Variants in TCF4 observed in about 807,000 individuals in gnomAD.
The protein encoded by TCF4 is SL3-3 enhancer factor 2.
A neutral mutation model predicts 82.1 loss-of-function variants in TCF4; 3 were observed. The observed-to-expected ratio is 0.04, with a 90% CI of 0.02 to 0.09. The LOEUF (loss-of-function observed/expected upper bound fraction) is 0.09, where lower values mean the gene tolerates loss of function less well. Among genes scored for constraint, TCF4 ranks in the 10% least tolerant of loss-of-function variants. TCF4 has a pLI of 1.00. For missense variants in TCF4, 518 were observed against 852.7 expected, an observed-to-expected ratio of 0.61 and a Z score of 4.89; for synonymous variants, 276 against 309.6, an observed-to-expected ratio of 0.89 and a Z score of 1.14.
At chr18:55,499,302 G>A (rs2096671538) in intron 3 of TCF4, among the ~76,000 whole-genome samples, 2 of 152,118 alleles carry the variant, frequency 1.3e-5, no homozygotes, top group Non-Finnish European at 2.9e-5. Context: ...TACTCAGGTA[G>A]GAAGAAACAG....
At chr18:55,459,974 T>C (rs1337573183) in intron 5 of TCF4, among the ~76,000 whole-genome samples, 1 of 152,162 alleles carries the variant, frequency 6.6e-6, no homozygotes. Flanking sequence ...CTGAAATCCA[T>C]TTAGATGGAT....
At chr18:55,589,043 A>G (rs1329787604), upstream of TCF4, among the ~76,000 whole-genome samples, 1 of 152,170 alleles carries the variant, frequency 6.6e-6, no homozygotes, top group Non-Finnish European at 1.5e-5. Flanking sequence ...TCGTTTCGTA[A>G]TAACAAGCGT....
intron 8 of TCF4, among the ~76,000 whole-genome samples, chr18:55,286,921 A>T (rs1460054219): frequency 1.3e-5 from 2 of 152,222 alleles, no homozygotes; most frequent in Admixed American, 1.3e-4. Context: ...ATAAGTGGAA[A>T]CATTTCACTG....
At chr18:55,503,251 A>G (rs1336597467) in intron 3 of TCF4, among the ~76,000 whole-genome samples, 4 of 152,252 alleles carry the variant, frequency 2.6e-5, no homozygotes, top group Non-Finnish European at 5.9e-5. Flanking sequence ...AAATAAAAAC[A>G]TTCTATCATC....
intron 3 of TCF4, among the ~76,000 whole-genome samples, chr18:55,492,613 C>T (rs1454102365): frequency 1.3e-5 from 2 of 152,160 alleles, no homozygotes; most frequent in Admixed American, 6.5e-5. Context: ...GTAAATTAGG[C>T]AAGCCTGCCA....
In TCF4 at chr18:55,480,304, G is replaced by C. The variant is rs1236331408; in HGVS notation, c.146-16167C>G. The stretch of plus-strand genomic sequence containing the variant: ...AAAAAAAAAAAAAAAAAAGCGGGGG[G>C]GCGGGGGGAGGATATTATGTGTATT... On this transcript the variant is annotated intron_variant, in intron 3 of 19. Coordinates refer to ENST00000354452, the MANE Select transcript of TCF4 (RefSeq NM_001083962.2). 3.1e-5 allele frequency among the ~76,000 whole-genome samples: 4 copies of C among 127,458 alleles called. 1 individual carries two copies. The highest frequency in any genetic ancestry group is 4.9e-5 in the Non-Finnish European group (3 of 61,498). 83.6% of individuals were successfully genotyped at this position (127,458 alleles called of 152,430 possible).
In TCF4 at chr18:55,287,493, C is replaced by A. The variant is rs1331000744; in HGVS notation, c.550-7837G>T. ...GTCACAAAACGGTAAGAATTTCAGT[C>A]CCCTTCCTTGTCTGTAACTGTCAAT... On this transcript the variant is annotated intron_variant, in intron 8 of 19. Coordinates refer to ENST00000354452, the MANE Select transcript of TCF4 (RefSeq NM_001083962.2). Among the ~76,000 whole-genome samples, 3 of 152,200 alleles carry A rather than the reference C, an allele frequency of 2.0e-5. No homozygotes were observed. The East Asian group carries it at 5.8e-4, about 29-fold the overall frequency.
chr18:55,439,781 G>A (rs572402552), intron 5 of TCF4, among the ~76,000 whole-genome samples: 3 of 152,206 alleles, frequency 2.0e-5, no homozygotes, highest in Admixed American at 1.3e-4. Context: ...AGAGTATAAC[G>A]GCATGATCTC....
intron 5 of TCF4, among the ~76,000 whole-genome samples, chr18:55,421,844 G>A (rs961370435): frequency 9.9e-5 from 15 of 152,256 alleles, no homozygotes; most frequent in African/African-American, 3.4e-4. Context: ...GGCATCAAGT[G>A]TACATTTGCC....
At chr18:55,571,826 A>G (rs2147563328) in intron 3 of TCF4, among the ~76,000 whole-genome samples, 1 of 148,508 alleles carries the variant, frequency 6.7e-6, no homozygotes, top group South Asian at 2.1e-4. Flanking sequence ...TCAGCCTCCA[A>G]CCCATCCCCA....
intron 5 of TCF4, among the ~76,000 whole-genome samples, chr18:55,457,374 G>C (rs1476630540): frequency 6.6e-6 from 1 of 152,212 alleles, no homozygotes; most frequent in Non-Finnish European, 1.5e-5. Context: ...GTGTGTGCAT[G>C]CATGTATAAC....
intron 3 of TCF4, among the ~76,000 whole-genome samples, chr18:55,475,406 G>A (rs2096270058): frequency 1.3e-5 from 2 of 152,174 alleles, no homozygotes; most frequent in Admixed American, 6.5e-5. Flanking sequence ...TTGATGGCAT[G>A]TTGGTCTGCC....
rs2045983102 is a variant in TCF4 at position 55,222,357 on chromosome 18, T to G, written c.*5678A>C. On this transcript the variant is annotated 3_prime_UTR_variant, in exon 20 of 20. Coordinates refer to ENST00000354452, the MANE Select transcript of TCF4 (RefSeq NM_001083962.2). ...AATGCTTGTGGCTCTTTTATATATA[T>G]TTAAAACACACAGTAAGAACATAAG... is the stretch of plus-strand genomic sequence containing the variant. The G allele has an allele frequency of 6.6e-6, 1 of 152,064 alleles. No homozygotes were observed. Among genetic ancestry groups the G allele is most frequent in the South Asian group, 2.1e-4 (1 of 4,820 alleles). The allele number at this position is 152,064 out of a possible 1,614,324, so 9.4% of individuals were successfully genotyped here. A position where few individuals can be genotyped will look rare whatever the true frequency, so the allele number is the denominator to read the frequency against.
intron 17 of TCF4, chr18:55,229,794 T>C (rs942529405): frequency 2.0e-5 from 3 of 152,366 alleles, no homozygotes; most frequent in African/African-American, 7.2e-5. Context: ...ATGTTTATGA[T>C]CCACAGAACA....
intron 8 of TCF4, among the ~76,000 whole-genome samples, chr18:55,282,118 G>T (rs564052262): frequency 9.3e-4 from 142 of 151,890 alleles, no homozygotes; most frequent in Middle Eastern, 3.4e-3. Flanking sequence ...CTTCCATTTA[G>T]ATACTTTATC....
Position 55,244,328 on chromosome 18 carries a change from A to G in TCF4, c.1351-9645T>C, listed in dbSNP as rs560531362. Reference sequence around the variant, plus strand: ...TCAGTTATGGTACTGCTTATTTGAAATAGTAGTTCTTTTACTGTTGGTGTG... The same window carrying G: ...TCAGTTATGGTACTGCTTATTTGAAGTAGTAGTTCTTTTACTGTTGGTGTG... On this transcript the variant is annotated intron_variant, in intron 15 of 19. Coordinates refer to ENST00000354452, the MANE Select transcript of TCF4 (RefSeq NM_001083962.2). Among the ~76,000 whole-genome samples, 19 of 152,272 alleles carry G rather than the reference A, an allele frequency of 1.2e-4. No homozygotes were observed. The South Asian group carries it at 3.7e-3, about 30-fold the overall frequency.
At chr18:55,493,984 A>G (rs2096603139) in intron 3 of TCF4, among the ~76,000 whole-genome samples, 2 of 152,192 alleles carry the variant, frequency 1.3e-5, no homozygotes, top group Non-Finnish European at 2.9e-5. Flanking sequence ...AGATTGAAAA[A>G]TATTGGACTT....
rs865908316 is a variant in TCF4 at position 55,237,524 on chromosome 18, C to T, written c.1351-2841G>A. Among the ~76,000 whole-genome samples, 9 of 140,554 alleles carry T rather than the reference C, an allele frequency of 6.4e-5. No homozygotes were observed. In the South Asian group the frequency reaches 9.0e-4, roughly 14 times the overall value. The allele number at this position is 140,554 out of a possible 152,430, so 92.2% of individuals were successfully genotyped here. ...TTGCTCTGTCACCCAGGCTGGAGTG[C>T]AGGGGTGCAATCTCCGTTCACTGCA... On this transcript the variant is annotated intron_variant, in intron 15 of 19. Coordinates refer to ENST00000354452, the MANE Select transcript of TCF4 (RefSeq NM_001083962.2).
intron 3 of TCF4, among the ~76,000 whole-genome samples, chr18:55,535,147 G>GAGAC (rs1252932984): frequency 5.9e-5 from 9 of 152,174 alleles, no homozygotes; most frequent in African/African-American, 2.2e-4. Flanking sequence ...AACACCACGT[G>GAGAC]AGACACTGTG....
Sources: gnomAD v4.1 joint callset for allele counts (sites outside exome capture counted in the v4.1 genomes callset) on GRCh38, gnomAD v4.1.1 for gene constraint, MANE v1.5 for transcripts, NCBI Gene and HGNC (gene_info 2026-07-23, HGNC 2026-07-21) for gene names.